Variants in ANK1 observed in about 807,000 individuals in gnomAD.
ANK1 encodes ankyrin 1, also known as ankyrin-1.
ANK1 carries 51 observed loss-of-function variants against 210.4 expected under a neutral mutation model. That is an observed-to-expected ratio of 0.24 (90% CI 0.19 to 0.31). The LOEUF is 0.31. Ranked by LOEUF, ANK1 falls within the 10% of genes least tolerant of loss-of-function variation. ANK1 has a pLI of 1.00. For synonymous variants in ANK1, 967 were observed against 1,025.9 expected (o/e 0.94, Z 1.10); for missense variants, 2,051 against 2,504.4 (o/e 0.82, Z 3.86).
chr8:41,676,021 A>G (rs1814048824), intron 37 of ANK1, among the ~76,000 whole-genome samples: 1 of 152,248 alleles, frequency 6.6e-6, no homozygotes, highest in African/African-American at 2.4e-5. Flanking sequence ...TTACCTGCCA[A>G]TGGACATTTG....
At position 41,655,460 on chromosome 8, in the gene ANK1, C is replaced by T. The variant is rs539354854; in HGVS notation, c.*330G>A. 2.8e-5 allele frequency: 12 copies of T among 435,448 alleles called. No homozygotes were observed. Among genetic ancestry groups the T allele is most frequent in the East Asian group, 1.1e-4 (3 of 28,372 alleles). 27.0% of individuals were successfully genotyped at this position (435,448 alleles called of 1,614,324 possible). A position where few individuals can be genotyped will look rare whatever the true frequency, so the allele number is the denominator to read the frequency against. Reference sequence around the variant, plus strand: ...AAAAGCCCTCATTCACTTTTGCGTTCGCAGGCTCTCCTGCGCTTGTTTTCT... The same window carrying T: ...AAAAGCCCTCATTCACTTTTGCGTTTGCAGGCTCTCCTGCGCTTGTTTTCT... On this transcript the variant is annotated 3_prime_UTR_variant, in exon 43 of 43. Coordinates refer to ENST00000289734, the MANE Select transcript of ANK1 (RefSeq NM_000037.4).
intron 31 of ANK1, among the ~76,000 whole-genome samples, chr8:41,691,528 G>A (rs1819270534): frequency 6.6e-6 from 1 of 152,170 alleles, no homozygotes; most frequent in Admixed American, 6.5e-5. Context: ...ATCACTGCTG[G>A]CTTACTACAC....
intron 2 of ANK1, among the ~76,000 whole-genome samples, chr8:41,748,832 A>G (rs10103896): frequency 0.13 from 19,764 of 152,196 alleles, 3,654 homozygotes; most frequent in African/African-American, 0.41. Context: ...TCAGGAGATC[A>G]AGACCATCCC....
chr8:41,863,365 A>G (rs1010483913), intron 1 of ANK1, among the ~76,000 whole-genome samples: 1 of 152,196 alleles, frequency 6.6e-6, no homozygotes, highest in East Asian at 1.9e-4. Flanking sequence ...TCTCATTAAA[A>G]AAAAAGAAAA....
intron 1 of ANK1, among the ~76,000 whole-genome samples, chr8:41,868,797 GA>G (rs369880656): frequency 1.3e-5 from 2 of 152,296 alleles, no homozygotes; most frequent in South Asian, 2.1e-4. Flanking sequence ...GGGGCGTGCA[GA>G]GAGCAAAGTT....
chr8:41,810,597 C>T (rs1398434243), intron 1 of ANK1, among the ~76,000 whole-genome samples: 2 of 152,242 alleles, frequency 1.3e-5, no homozygotes, highest in African/African-American at 4.8e-5. Flanking sequence ...CACACAGGAG[C>T]AGAGCATCTC....
rs1206212336 is a variant in ANK1, at chr8:41,725,871, T to C, written c.502A>G (p.Thr168Ala). 3 of 1,613,130 alleles carry C rather than the reference T, an allele frequency of 1.9e-6. No individual in the cohort carries two copies. Among genetic ancestry groups the C allele is most frequent in the East Asian group, 2.2e-5 (1 of 44,860 alleles). Reference sequence around the variant, plus strand: ...GCCGGGAGGCGCACCTTCCCCTTGGTGCCGTAGTTGATGAGGTGCGCGACG... The same window carrying C: ...GCCGGGAGGCGCACCTTCCCCTTGGCGCCGTAGTTGATGAGGTGCGCGACG... The part of the protein sequence containing the change: ...NVVAHLINYG[T>A]KGKVRLPALH... The change falls in exon 6 of 43, where the codon ACC becomes GCC. Residue 168 changes from threonine (T) to alanine (A), a missense_variant. Around this residue, in one of 6 missense-constraint regions of ANK1, gnomAD observed 1,413 missense variants for 1,707.4 expected, o/e 0.83. Coordinates refer to ENST00000289734, the MANE Select transcript of ANK1 (RefSeq NM_000037.4).
chr8:41,694,670 C>T lies in ANK1; in HGVS notation c.3249G>A (p.Leu1083=). The T allele has an allele frequency of 6.2e-7, 1 of 1,614,126 alleles. No homozygotes were observed. Among genetic ancestry groups the T allele is most frequent in the Non-Finnish European group, 8.5e-7 (1 of 1,180,020 alleles). The stretch of plus-strand genomic sequence containing the variant: ...GTACCAGGGGCACCAGCTTGCTCTT[C>T]AGGGAGCCCCCTTCGGGACCGATGG... ...YDTIGPEGGS[L]KSKLVPLVQA... The change falls in exon 28 of 43, where the codon CTG becomes CTA. Residue 1083 remains leucine (L), a synonymous_variant. Transcript: ENST00000289734. This position sits in a 1 kb window ranked among gnomAD's most constrained non-coding sequence, Gnocchi z 5.7.
In ANK1 at chr8:41,699,556, A is replaced by G. The variant is rs767398149; in HGVS notation, c.2462-8T>C. On this transcript the variant is annotated splice_polypyrimidine_tract_variant and splice_region_variant and intron_variant, in intron 22 of 42. Coordinates refer to ENST00000289734, the MANE Select transcript of ANK1 (RefSeq NM_000037.4). ...AGCTGATGAGTTCTTCCCCTGAAAC[A>G]GCAAGAGCTCAAGTGAGCGACGGGG... is the stretch of plus-strand genomic sequence containing the variant. 6.2e-7 allele frequency: 1 copy of G among 1,613,620 alleles called. No individual in the cohort carries two copies. Among genetic ancestry groups the G allele is most frequent in the Non-Finnish European group, 8.5e-7 (1 of 1,179,580 alleles).
chr8:41,686,174 G>A lies in ANK1; in HGVS notation c.4368C>T (p.Ile1456=). ...QSVALLNLWV[I]REGQNANMEN... ...GACTGTTTGCGTTTTGGCCTTCACG[G>A]ATGACCCAGAGGTTCAGCAAGGCCA... is the stretch of plus-strand genomic sequence containing the variant. Residue 1456 remains isoleucine, a synonymous_variant, in exon 36 of 43, where the codon ATC becomes ATT. Transcript: ENST00000289734. 6.2e-7 allele frequency: 1 copy of A among 1,614,216 alleles called. No homozygotes were observed.
upstream of ANK1, among the ~76,000 whole-genome samples, chr8:41,798,146 A>G (rs1477257127): frequency 6.6e-6 from 1 of 151,866 alleles, no homozygotes; most frequent in Non-Finnish European, 1.5e-5. Flanking sequence ...GCCAGGGCGC[A>G]CGCCCTGTCG....
At chr8:41,876,448 C>A (rs750629108) in intron 1 of ANK1, among the ~76,000 whole-genome samples, 8 of 152,354 alleles carry the variant, frequency 5.3e-5, no homozygotes, top group Admixed American at 5.2e-4. Flanking sequence ...TTCAAGGTAA[C>A]CTTGAAACCT....
At chr8:41,778,315 T>C (rs1844551031) in intron 1 of ANK1, among the ~76,000 whole-genome samples, 1 of 152,182 alleles carries the variant, frequency 6.6e-6, no homozygotes, top group South Asian at 2.1e-4. Context: ...TGCAATTAAA[T>C]ACCAAACGAG....
chr8:41,755,297 A>C (rs72640314), intron 2 of ANK1, among the ~76,000 whole-genome samples: 1,706 of 152,382 alleles, frequency 0.011, 17 homozygotes, highest in African/African-American at 0.027. Flanking sequence ...CGGGAGACCA[A>C]TCAGGACACA....
rs1361354647 is a variant in ANK1 at position 41,655,379 on chromosome 8, G to A, written c.*411C>T. The A allele has an allele frequency of 8.8e-6, 2 of 227,362 alleles. No homozygotes were observed. The highest frequency in any genetic ancestry group is 1.7e-5 in the Non-Finnish European group (2 of 117,708). The allele number at this position is 227,362 out of a possible 1,614,324, so 14.1% of individuals were successfully genotyped here. Reference sequence around the variant, plus strand: ...GAGGTTGGGAAAAAGTACCCTGTACGAAGTCAAAACAATTTAAAAAAAAAA... The same window carrying A: ...GAGGTTGGGAAAAAGTACCCTGTACAAAGTCAAAACAATTTAAAAAAAAAA... On this transcript the variant is annotated 3_prime_UTR_variant, in exon 43 of 43. Transcript: ENST00000289734.
In ANK1 at chr8:41,671,547, A is replaced by C. The variant is rs527992935; in HGVS notation, c.5096+807T>G. 3.3e-5 allele frequency among the ~76,000 whole-genome samples: 5 copies of C among 152,074 alleles called. No individual in the cohort carries two copies. The East Asian group carries it at 7.8e-4, about 24-fold the overall frequency. ...GCCCTTCCCGTGCACTAATGGCTCT[A>C]AGTGAGCACTCCAGGTACCCTAATG... is the stretch of plus-strand genomic sequence containing the variant. On this transcript the variant is annotated intron_variant, in intron 38 of 42. Transcript: ENST00000289734.
intron 1 of ANK1, among the ~76,000 whole-genome samples, chr8:41,894,318 C>T (rs1011582777): frequency 1.3e-5 from 2 of 151,866 alleles, no homozygotes; most frequent in African/African-American, 2.4e-5. Flanking sequence ...CAGTATGCTG[C>T]GACCGGCTAG....
intron 1 of ANK1, among the ~76,000 whole-genome samples, chr8:41,809,874 A>AAACCCCAGATGCTCTGCCTC (rs1802222396): frequency 1.3e-5 from 2 of 152,228 alleles, no homozygotes; most frequent in Admixed American, 6.5e-5. Flanking sequence ...TCTTCTGACT[A>AAACCCCAGATGCTCTGCCTC]AACCCCAGAT....
At chr8:41,719,989 G>T in intron 9 of ANK1, 131 bp from the exon 10 acceptor site, 1 of 1,064,462 alleles carries the variant, frequency 9.4e-7, no homozygotes, top group South Asian at 1.3e-5. Context: ...GAGGGAGCTT[G>T]GCTCACCCTG....
Sources: allele counts gnomAD v4.1 joint callset (sites outside exome capture counted in the v4.1 genomes callset), GRCh38; gene constraint gnomAD v4.1.1; regional missense constraint gnomAD v4.1.1; non-coding constraint Gnocchi (gnomAD v3.1); transcripts MANE v1.5; gene names NCBI Gene and HGNC (gene_info 2026-07-23, HGNC 2026-07-21).